Variants in HNRNPM observed in about 807,000 individuals in gnomAD.
HNRNPM encodes heterogeneous nuclear ribonucleoprotein M.
Under a neutral mutation model 73.1 loss-of-function variants are expected in HNRNPM, and 11 were observed. That is an observed-to-expected ratio of 0.15 (90% CI 0.09 to 0.25). The LOEUF is 0.25. HNRNPM is among the 10% of genes least tolerant of loss of function. HNRNPM has a pLI of 1.00. For missense variants in HNRNPM, 789 were observed against 1,067.9 expected (o/e 0.74, Z 3.64); for synonymous variants, 407 against 355.2 (o/e 1.15, Z -1.64).
rs576483041 is a variant in HNRNPM at position 8,467,545 on chromosome 19, T to C, written c.795T>C (p.Asn265=). Residue 265 remains asparagine (N), a synonymous_variant, in exon 8 of 16, where the codon AAT becomes AAC. Coordinates refer to ENST00000325495, the MANE Select transcript of HNRNPM (RefSeq NM_005968.5). ...TAATTGTAATACCAGCTATGTTCAA[T>C]GGCCAGCTGCTATTTGATAGACCAA... The part of the protein sequence containing the change: ...IEAVQAISMF[N]GQLLFDRPMH... 9.3e-6 allele frequency: 15 copies of C among 1,612,074 alleles called. No homozygotes were observed. In the South Asian group the frequency reaches 1.1e-4, roughly 12 times the overall value.
intron 1 of HNRNPM, among the ~76,000 whole-genome samples, chr19:8,451,532 CTT>C (rs1968624796): frequency 1.3e-5 from 1 of 75,766 alleles, no homozygotes; most frequent in Non-Finnish European, 3.0e-5. Flanking sequence ...TGTCCCTCCC[CTT>C]CCCCTTCCCC....
At chr19:8,481,771 G>A (rs1201334479) in intron 12 of HNRNPM, among the ~76,000 whole-genome samples, 1 of 152,128 alleles carries the variant, frequency 6.6e-6, no homozygotes, top group African/African-American at 2.4e-5. Context: ...CTTGGTCTAG[G>A]TGCTGGAAAG....
intron 1 of HNRNPM, among the ~76,000 whole-genome samples, chr19:8,445,983 C>T (rs1432709453): frequency 1.3e-5 from 2 of 152,128 alleles, no homozygotes; most frequent in Admixed American, 6.6e-5. Context: ...TTAAAAGTTT[C>T]TTTAAAGGAG....
In HNRNPM at chr19:8,486,123, GATGGGCCTGGAGCGC is replaced by G. The variant is rs1270346626; in HGVS notation, c.1702_1716del (p.Leu568_Gly572del). 2 of 1,605,352 alleles carry G rather than the reference GATGGGCCTGGAGCGC, an allele frequency of 1.2e-6. No individual in the cohort carries two copies. The highest frequency in any genetic ancestry group is 2.7e-5 in the African/African-American group (2 of 74,408). The stretch of plus-strand genomic sequence containing the variant: ...GCATGGGCGCCAACAATCTGGAGCG[GATGGGCCTGGAGCGC>G]ATGGGCGCCAACAGCCTCGAGCGCA... On this transcript the variant is annotated inframe_deletion, in exon 14 of 16. Transcript: ENST00000325495.
chr19:8,445,137 C>T, intron 1 of HNRNPM, 26 bp downstream of exon 1: 3 of 1,375,586 alleles, frequency 2.2e-6, no homozygotes, highest in African/African-American at 1.5e-5. Context: ...TCCTTTGCCA[C>T]GGGTAAGGGT....
In HNRNPM at chr19:8,466,307, A is replaced by T. The variant is rs753542119; in HGVS notation, c.703A>T (p.Ile235Phe). Residue 235 changes from isoleucine to phenylalanine, a missense_variant, in exon 7 of 16, where the codon ATT becomes TTT. Transcript: ENST00000325495. ...SMAGVVVRAD[I>F]LEDKDGKSRG... ...GGCTGGTGTGGTGGTCCGAGCAGAC[A>T]TTCTTGAAGATAAAGATGGAAAAAG... 1.2e-6 allele frequency: 2 copies of T among 1,614,066 alleles called. No individual in the cohort carries two copies. The highest frequency in any genetic ancestry group is 1.7e-5 in the Admixed American group (1 of 60,004).
intron 1 of HNRNPM, among the ~76,000 whole-genome samples, chr19:8,452,869 C>CT (rs1968727020): frequency 6.6e-6 from 1 of 152,250 alleles, no homozygotes. Flanking sequence ...GAGACAGGGT[C>CT]TTGCTTTGTC....
chr19:8,447,942 C>T (rs555035323), intron 1 of HNRNPM, among the ~76,000 whole-genome samples: 8 of 152,182 alleles, frequency 5.3e-5, no homozygotes, highest in East Asian at 3.9e-4. Flanking sequence ...AGGAGAATGG[C>T]GTGAACCTGG....
At chr19:8,446,383 A>T (rs1968187887) in intron 1 of HNRNPM, among the ~76,000 whole-genome samples, 1 of 152,202 alleles carries the variant, frequency 6.6e-6, no homozygotes, top group South Asian at 2.1e-4. Flanking sequence ...TATGGAGATT[A>T]AAAGTGAATG....
At chr19:8,485,526 C>T in intron 13 of HNRNPM, 77 bp from the exon 14 acceptor site, 2 of 1,396,478 alleles carry the variant, frequency 1.4e-6, no homozygotes, top group South Asian at 2.5e-5. Context: ...TGCCCATGAG[C>T]TGAAGTGGTC....
chr19:8,453,432 C>T (rs967006858), intron 1 of HNRNPM, among the ~76,000 whole-genome samples: 4 of 152,230 alleles, frequency 2.6e-5, no homozygotes, highest in Non-Finnish European at 4.4e-5. Context: ...GGAGTTACCA[C>T]ACCTGGCCTC....
chr19:8,468,833 C>T lies in HNRNPM; in HGVS notation c.894C>T (p.Pro298=), dbSNP rs778802481. 15 of 1,610,992 alleles carry T rather than the reference C, an allele frequency of 9.3e-6. No individual in the cohort carries two copies. The highest frequency in any genetic ancestry group is 1.3e-5 in the Non-Finnish European group (15 of 1,177,268). ...CTCCTGAGCGTCCACAACAACTTCCCCGTAAGTGTTTCAGTGATTAGGGCT... is the reference window on the plus strand; with the variant it reads ...CTCCTGAGCGTCCACAACAACTTCCTCGTAAGTGTTTCAGTGATTAGGGCT... ...FFPPERPQQL[P]HGLGGIGMGL... Residue 298 remains proline, a splice_region_variant and synonymous_variant, in exon 9 of 16, where the codon CCC becomes CCT. Transcript: ENST00000325495.
chr19:8,479,805 C>T (rs1251772281), intron 12 of HNRNPM, among the ~76,000 whole-genome samples: 27 of 133,842 alleles, frequency 2.0e-4, no homozygotes, highest in East Asian at 2.2e-4. Flanking sequence ...GACAGAGTCT[C>T]GCTCTATTGC....
chr19:8,468,614 G>A (rs1229829644), intron 8 of HNRNPM, among the ~76,000 whole-genome samples, 160 bp from the exon 9 acceptor site: 1 of 152,100 alleles, frequency 6.6e-6, no homozygotes, highest in African/African-American at 2.4e-5. Context: ...CATAAAATAG[G>A]AAGCATGCTC....
At chr19:8,468,691 G>C in intron 8 of HNRNPM, 83 bp from the exon 9 acceptor site, 2 of 1,020,112 alleles carry the variant, frequency 2.0e-6, no homozygotes, top group Non-Finnish European at 3.1e-6. Context: ...GTCCTCTCTT[G>C]ATGGGGGGCC....
intron 1 of HNRNPM, among the ~76,000 whole-genome samples, chr19:8,447,449 G>A (rs1968276726): frequency 1.3e-5 from 2 of 152,126 alleles, no homozygotes; most frequent in South Asian, 4.1e-4. Context: ...AATGGAGGAG[G>A]TGACCTCCGC....
chr19:8,445,858 G>A (rs1279792520), intron 1 of HNRNPM, among the ~76,000 whole-genome samples: 7 of 152,256 alleles, frequency 4.6e-5, no homozygotes, highest in Admixed American at 2.0e-4. Flanking sequence ...GTCGGGGGAG[G>A]AATCCCCTTT....
intron 9 of HNRNPM, among the ~76,000 whole-genome samples, chr19:8,469,486 G>A (rs1042819341): frequency 2.6e-5 from 4 of 152,336 alleles, no homozygotes; most frequent in Middle Eastern, 3.4e-3. Flanking sequence ...TTTATGGTAT[G>A]TGAAGTGTCT....
At chr19:8,451,712 G>T (rs1968643857) in intron 1 of HNRNPM, among the ~76,000 whole-genome samples, 1 of 151,750 alleles carries the variant, frequency 6.6e-6, no homozygotes, top group African/African-American at 2.4e-5. Flanking sequence ...TATTTTTTTT[G>T]TAGGGACACG....
Sources: allele counts gnomAD v4.1 joint callset (sites outside exome capture counted in the v4.1 genomes callset), GRCh38; gene constraint gnomAD v4.1.1; transcripts MANE v1.5; gene names NCBI Gene and HGNC (gene_info 2026-07-23, HGNC 2026-07-21).